CSE1L: variants seen among roughly 807,000 people sequenced by gnomAD.
CSE1L encodes chromosome segregation 1 like.
In CSE1L, 24 loss-of-function variants were observed where a neutral mutation model predicts 120.4. The observed-to-expected ratio is 0.20, with a 90% CI of 0.14 to 0.28. CSE1L has a LOEUF of 0.28. Among genes scored for constraint, CSE1L ranks in the 10% least tolerant of loss-of-function variants. The pLI is 1.00. For missense variants in CSE1L, 830 were observed against 1,145.2 expected (o/e 0.72, Z 3.97); for synonymous variants, 402 against 398.3 (o/e 1.01, Z -0.11).
At position 49,066,437 on chromosome 20, in the gene CSE1L, G is replaced by A. The variant is rs2091892882; in HGVS notation, c.403G>A (p.Val135Met). The A allele has an allele frequency of 3.1e-6, 5 of 1,614,194 alleles. No homozygotes were observed. The East Asian group carries it at 1.1e-4, about 36-fold the overall frequency. ...ATGGCCTGACTTGCTGACAGAAATG[G>A]TGAATCGCTTTCAGAGTGGAGATTT... ...QKWPDLLTEM[V>M]NRFQSGDFHV... The change falls in exon 5 of 25, where the codon GTG becomes ATG. Residue 135 changes from valine to methionine, a missense_variant. Val to Met is a conservative substitution (Grantham distance 21, BLOSUM62 1). Around this residue, in one of 4 missense-constraint regions of CSE1L, gnomAD observed 543 missense variants for 640.2 expected, o/e 0.85. Transcript: ENST00000262982.
chr20:49,047,095 T>G (rs1314240282), intron 1 of CSE1L, among the ~76,000 whole-genome samples: 1 of 152,104 alleles, frequency 6.6e-6, no homozygotes, highest in Non-Finnish European at 1.5e-5. Flanking sequence ...TTCCCTCGTT[T>G]TGGGAGAAAC....
intron 15 of CSE1L, among the ~76,000 whole-genome samples, 160 bp from the exon 16 acceptor site, chr20:49,085,123 A>T (rs1205794366): frequency 6.6e-6 from 1 of 152,186 alleles, no homozygotes; most frequent in East Asian, 1.9e-4. Flanking sequence ...TAACATGAGC[A>T]CATGTAAAAA....
intron 2 of CSE1L, among the ~76,000 whole-genome samples, chr20:49,059,599 G>A (rs187419233): frequency 2.7e-4 from 41 of 152,260 alleles, no homozygotes; most frequent in Non-Finnish European, 4.6e-4. Flanking sequence ...AGATTTTGGG[G>A]CCGGGTGCGG....
rs1233204007 is a variant in CSE1L at position 49,090,979 on chromosome 20, A to G, written c.2322A>G (p.Leu774=). 1.9e-6 allele frequency: 3 copies of G among 1,611,616 alleles called. No individual in the cohort carries two copies. Among genetic ancestry groups the G allele is most frequent in the Non-Finnish European group, 1.7e-6 (2 of 1,178,106 alleles). The change falls in exon 21 of 25, where the codon CTA becomes CTG. Residue 774 remains leucine (L), a synonymous_variant. Coordinates refer to ENST00000262982, the MANE Select transcript of CSE1L (RefSeq NM_001316.4). ...DQYRKQIFIL[L]FQRLQNSKTT... ...ATAGGAAACAAATCTTCATTCTGCTATTCCAGAGACTTCAGAATTCCAAAA... is the reference window on the plus strand; with the variant it reads ...ATAGGAAACAAATCTTCATTCTGCTGTTCCAGAGACTTCAGAATTCCAAAA...
intron 4 of CSE1L, 35 bp from the exon 5 acceptor site, chr20:49,066,329 TA>T: frequency 6.2e-7 from 1 of 1,614,140 alleles, no homozygotes; most frequent in Non-Finnish European, 8.5e-7. Flanking sequence ...GGCTCCTCTG[TA>T]AAGCTCTGAT....
chr20:49,069,517 A>T (rs2091916877), intron 7 of CSE1L, among the ~76,000 whole-genome samples: 1 of 152,238 alleles, frequency 6.6e-6, no homozygotes, highest in African/African-American at 2.4e-5. Flanking sequence ...TCACAACATG[A>T]ATAAACTCAT....
chr20:49,075,572 A>C (rs763703178), intron 12 of CSE1L, 52 bp downstream of exon 12: 25 of 1,421,574 alleles, frequency 1.8e-5, no homozygotes, highest in Admixed American at 8.8e-5. Context: ...AGTGACACCC[A>C]CACAAGTCAA....
intron 19 of CSE1L, 64 bp from the exon 20 acceptor site, chr20:49,090,678 A>C: frequency 8.4e-7 from 1 of 1,192,190 alleles, no homozygotes; most frequent in Non-Finnish European, 1.3e-6. Context: ...GACATATATC[A>C]TGTTTAACTT....
intron 1 of CSE1L, among the ~76,000 whole-genome samples, chr20:49,054,659 G>A (rs2091793098): frequency 6.6e-6 from 1 of 152,168 alleles, no homozygotes; most frequent in Non-Finnish European, 1.5e-5. Flanking sequence ...GTTCATACAT[G>A]TGACACTTCC....
chr20:49,072,224 C>T, intron 8 of CSE1L, 62 bp from the exon 9 acceptor site: 1 of 1,544,804 alleles, frequency 6.5e-7, no homozygotes, highest in Non-Finnish European at 8.8e-7. Flanking sequence ...ATTTCAGTTA[C>T]TCCTCTTACT....
chr20:49,092,167 T>C (rs907219856), intron 22 of CSE1L, 40 bp downstream of exon 22: 5 of 1,203,506 alleles, frequency 4.2e-6, no homozygotes, highest in Non-Finnish European at 6.0e-6. Flanking sequence ...AAGAAAATGT[T>C]TTGACTTTTT....
intron 16 of CSE1L, among the ~76,000 whole-genome samples, chr20:49,087,446 T>C (rs2092069013): frequency 6.7e-6 from 1 of 149,096 alleles, no homozygotes; most frequent in Non-Finnish European, 1.5e-5. Context: ...CAACCTCCAC[T>C]TCCCAGGTTC....
intron 1 of CSE1L, among the ~76,000 whole-genome samples, chr20:49,049,184 C>T (rs536213347): frequency 6.6e-6 from 1 of 151,798 alleles, no homozygotes; most frequent in Non-Finnish European, 1.5e-5. Flanking sequence ...AAAGTATCAC[C>T]CCCTCATTTA....
Position 49,096,769 on chromosome 20 carries a change from T to C in CSE1L, c.*331T>C. ...GTGGAGACTTTCTGTTACTAAATCC[T>C]TTTGTTTTGAAGCTGTTGCTATTTG... On this transcript the variant is annotated 3_prime_UTR_variant, in exon 25 of 25. Coordinates refer to ENST00000262982, the MANE Select transcript of CSE1L (RefSeq NM_001316.4). 4.1e-6 allele frequency: 1 copy of C among 246,792 alleles called. No homozygotes were observed. 15.3% of individuals were successfully genotyped at this position (246,792 alleles called of 1,614,324 possible).
intron 14 of CSE1L, among the ~76,000 whole-genome samples, chr20:49,078,845 C>G (rs1225339526): frequency 1.3e-5 from 2 of 152,196 alleles, no homozygotes; most frequent in Non-Finnish European, 2.9e-5. Flanking sequence ...ACATTGCTTA[C>G]AGTTGATTGT....
At position 49,075,334 on chromosome 20, in the gene CSE1L, C is replaced by T. The variant is rs2091961613; in HGVS notation, c.1149C>T (p.Arg383=). The part of the protein sequence containing the change: ...DLEGSDIDTR[R]RAACDLVRGL... ...ATTTCATAGATATTGATACTAGACG[C>T]AGGGCTGCTTGTGATCTGGTACGAG... Residue 383 remains arginine (R), a synonymous_variant, in exon 12 of 25, where the codon CGC becomes CGT. Transcript: ENST00000262982. 4 of 1,613,574 alleles carry T rather than the reference C, an allele frequency of 2.5e-6. No homozygotes were observed. Among genetic ancestry groups the T allele is most frequent in the Non-Finnish European group, 3.4e-6 (4 of 1,179,758 alleles).
chr20:49,065,615 G>A (rs1226850821), intron 3 of CSE1L, among the ~76,000 whole-genome samples: 1 of 50,550 alleles, frequency 2.0e-5, no homozygotes, highest in African/African-American at 6.5e-5. Context: ...TTTTTTTTGA[G>A]ACAGAGTCAC....
At chr20:49,084,309 T>C in intron 15 of CSE1L, 147 bp downstream of exon 15, 8 of 810,602 alleles carry the variant, frequency 9.9e-6, no homozygotes, top group Non-Finnish European at 1.5e-5. Context: ...TCTAAAAGCA[T>C]TTGAGGCTGC....
chr20:49,078,457 T>C, intron 13 of CSE1L, 104 bp from the exon 14 acceptor site: 2 of 747,702 alleles, frequency 2.7e-6, no homozygotes, highest in South Asian at 1.7e-5. Context: ...TGTGCTTTAA[T>C]TACTTGACAT....
Sources: gnomAD v4.1 joint callset for allele counts (sites outside exome capture counted in the v4.1 genomes callset) on GRCh38, gnomAD v4.1.1 for gene constraint, gnomAD v4.1.1 regional missense constraint, MANE v1.5 for transcripts, NCBI Gene and HGNC (gene_info 2026-07-23, HGNC 2026-07-21) for gene names.